LINGO2: variants seen among roughly 807,000 people sequenced by gnomAD.
LINGO2 encodes the protein leucine-rich repeat and immunoglobulin-like domain-containing nogo receptor-interacting protein 2.
Under a neutral mutation model 30.6 loss-of-function variants are expected in LINGO2, and 14 were observed. That is an observed-to-expected ratio of 0.46 (90% CI 0.30 to 0.72). The LOEUF (loss-of-function observed/expected upper bound fraction) is 0.72, where lower values mean the gene tolerates loss of function less well. LINGO2 is among the 30% of genes least tolerant of loss of function. The pLI, the probability that LINGO2 is intolerant of heterozygous loss-of-function variation, is 0.07. For synonymous variants in LINGO2, 317 were observed against 288.5 expected (o/e 1.10, Z -1.00); for missense variants, 729 against 751.7 (o/e 0.97, Z 0.35).
the LINGO2 span, among the ~76,000 whole-genome samples, chr9:28,828,928 G>A: frequency 1.3e-5 from 2 of 152,144 alleles, no homozygotes; most frequent in African/African-American, 4.8e-5. Flanking sequence ...AGAGGAGGAT[G>A]GGTCCCCAGA....
chr9:28,233,837 A>C (rs1435674453), intron 4 of LINGO2, among the ~76,000 whole-genome samples: 5 of 152,112 alleles, frequency 3.3e-5, no homozygotes, highest in Non-Finnish European at 5.9e-5. Context: ...AGTCCTGGGC[A>C]AAAAGGGATC....
chr9:28,874,654 C>T, the LINGO2 span, among the ~76,000 whole-genome samples: 1 of 151,936 alleles, frequency 6.6e-6, no homozygotes, highest in African/African-American at 2.4e-5. Context: ...TAGAATTTGC[C>T]TTCAGGGTCC....
intron 4 of LINGO2, among the ~76,000 whole-genome samples, chr9:28,259,056 T>A (rs1251271755): frequency 6.6e-6 from 1 of 152,028 alleles, no homozygotes; most frequent in Non-Finnish European, 1.5e-5. Context: ...CTCTCCAGAA[T>A]TAGTCTGTTT....
chr9:28,031,780 C>T (rs986094386), intron 4 of LINGO2, among the ~76,000 whole-genome samples: 7 of 152,280 alleles, frequency 4.6e-5, no homozygotes, highest in African/African-American at 1.4e-4. Context: ...AGCAAGCTGT[C>T]CAGAACACAC....
the LINGO2 span, among the ~76,000 whole-genome samples, chr9:28,876,246 ATTTT>A: frequency 6.6e-6 from 1 of 151,596 alleles, no homozygotes; most frequent in South Asian, 2.1e-4. Context: ...TATTATTATT[ATTTT>A]TATTTTATTT....
chr9:28,271,507 G>C (rs1822939772), intron 4 of LINGO2, among the ~76,000 whole-genome samples: 1 of 152,170 alleles, frequency 6.6e-6, no homozygotes, highest in Non-Finnish European at 1.5e-5. Flanking sequence ...CATAGAATTT[G>C]TAAATGGCAC....
At chr9:28,588,943 T>G (rs1413470516) in intron 1 of LINGO2, among the ~76,000 whole-genome samples, 1 of 152,050 alleles carries the variant, frequency 6.6e-6, no homozygotes, top group Non-Finnish European at 1.5e-5. Flanking sequence ...TGCTTCAAAG[T>G]AAGAGGCAGT....
At chr9:28,974,280 C>T in the LINGO2 span, among the ~76,000 whole-genome samples, 4 of 152,088 alleles carry the variant, frequency 2.6e-5, no homozygotes, top group Admixed American at 2.0e-4. Flanking sequence ...GTGGCGGGCA[C>T]CTGTAATCCC....
chr9:28,325,467 C>A (rs1825194478), intron 3 of LINGO2, among the ~76,000 whole-genome samples: 1 of 152,082 alleles, frequency 6.6e-6, no homozygotes, highest in Non-Finnish European at 1.5e-5. Flanking sequence ...CCACCCAAAT[C>A]TCATCTTGAA....
chr9:29,200,065 G>GAT, the LINGO2 span, among the ~76,000 whole-genome samples: 1 of 152,016 alleles, frequency 6.6e-6, no homozygotes, highest in African/African-American at 2.4e-5. Context: ...AGCTATTACA[G>GAT]AAATAGGAAA....
chr9:28,288,333 C>A (rs777183846), intron 4 of LINGO2, among the ~76,000 whole-genome samples: 12 of 152,100 alleles, frequency 7.9e-5, no homozygotes, highest in Non-Finnish European at 1.8e-4. Flanking sequence ...GCCTCAAATA[C>A]CTTCATACCA....
rs186043271 is a variant in LINGO2, at chr9:28,608,772, T to G, written c.-365+61428A>C. ...CACAGGTAACTTTTCCTTCGAACCA[T>G]GGATGTAGTTCAGATTTCGTTTATA... On this transcript the variant is annotated intron_variant, in intron 1 of 5. Transcript: ENST00000379992. Among the ~76,000 whole-genome samples the G allele has an allele frequency of 2.0e-5, 3 of 152,110 alleles. No individual in the cohort carries two copies. The East Asian group carries it at 5.8e-4, about 29-fold the overall frequency.
At chr9:28,532,126 T>C (rs1174763349) in intron 1 of LINGO2, among the ~76,000 whole-genome samples, 1 of 152,138 alleles carries the variant, frequency 6.6e-6, no homozygotes, top group Non-Finnish European at 1.5e-5. Flanking sequence ...TAATTTCTTA[T>C]ACAAACAGAA....
At chr9:29,153,928 T>G in the LINGO2 span, among the ~76,000 whole-genome samples, 1 of 152,114 alleles carries the variant, frequency 6.6e-6, no homozygotes, top group Admixed American at 6.6e-5. Context: ...AACCTTGACT[T>G]TTTCCCCATG....
intron 4 of LINGO2, among the ~76,000 whole-genome samples, chr9:28,099,990 G>A (rs1256299265): frequency 6.6e-6 from 1 of 152,128 alleles, no homozygotes; most frequent in African/African-American, 2.4e-5. Flanking sequence ...AAAATCTACT[G>A]TGTTCTCTGC....
At chr9:28,344,881 C>T (rs764615559) in intron 3 of LINGO2, among the ~76,000 whole-genome samples, 2 of 152,054 alleles carry the variant, frequency 1.3e-5, no homozygotes, top group African/African-American at 4.8e-5. Context: ...CCAACTGCAC[C>T]AAAGCATCTT....
At chr9:28,659,071 A>G (rs1478123594) in intron 1 of LINGO2, among the ~76,000 whole-genome samples, 1 of 152,148 alleles carries the variant, frequency 6.6e-6, no homozygotes, top group Admixed American at 6.6e-5. Flanking sequence ...AAATTATGCT[A>G]CAATTTTAAA....
chr9:28,924,209 G>A, the LINGO2 span, among the ~76,000 whole-genome samples: 3 of 151,820 alleles, frequency 2.0e-5, no homozygotes, highest in African/African-American at 7.3e-5. Context: ...GATTTGCTCT[G>A]GGTAAGTATT....
chr9:28,900,086 G>A, the LINGO2 span, among the ~76,000 whole-genome samples: 11 of 151,960 alleles, frequency 7.2e-5, no homozygotes, highest in South Asian at 6.2e-4. Context: ...TGGTCCTCAC[G>A]GCCCTAGGCT....
Sources: gnomAD v4.1 joint callset for allele counts (sites outside exome capture counted in the v4.1 genomes callset) on GRCh38, gnomAD v4.1.1 for gene constraint, MANE v1.5 for transcripts, NCBI Gene and HGNC (gene_info 2026-07-23, HGNC 2026-07-21) for gene names.